Variants in FBLN7 observed in about 807,000 individuals in gnomAD.
FBLN7 encodes fibulin 7.
A neutral mutation model predicts 44.0 loss-of-function variants in FBLN7; 31 were observed. That is an observed-to-expected ratio of 0.70 (90% CI 0.53 to 0.95). The LOEUF (loss-of-function observed/expected upper bound fraction) is 0.95. FBLN7 is among the 40% of genes least tolerant of loss of function. The pLI, the probability that FBLN7 is intolerant of heterozygous loss-of-function variation, is 0.00. For synonymous variants in FBLN7, 262 were observed against 253.4 expected (o/e 1.03, Z -0.32); for missense variants, 573 against 618.5 (o/e 0.93, Z 0.78).
At chr2:112,195,735 C>A in the FBLN7 span, among the ~76,000 whole-genome samples, 4 of 152,240 alleles carry the variant, frequency 2.6e-5, no homozygotes, top group Non-Finnish European at 4.4e-5. Context: ...AGCATCCCTA[C>A]AGACCTGACC....
the FBLN7 span, among the ~76,000 whole-genome samples, chr2:112,204,768 T>A: frequency 6.6e-6 from 1 of 152,180 alleles, no homozygotes; most frequent in Non-Finnish European, 1.5e-5. Context: ...AGAAAATGTA[T>A]TGTTAGCACA....
At chr2:112,221,988 C>T in the FBLN7 span, among the ~76,000 whole-genome samples, 3 of 152,088 alleles carry the variant, frequency 2.0e-5, no homozygotes, top group East Asian at 5.8e-4. Context: ...TCATTTATAT[C>T]GGCTGATGTT....
chr2:112,207,912 T>G, the FBLN7 span, among the ~76,000 whole-genome samples: 1 of 152,216 alleles, frequency 6.6e-6, no homozygotes, highest in East Asian at 1.9e-4. Flanking sequence ...AGACAGCATA[T>G]AGTTGGGTCA....
chr2:112,200,797 C>G, the FBLN7 span, among the ~76,000 whole-genome samples: 4 of 152,154 alleles, frequency 2.6e-5, no homozygotes, highest in African/African-American at 9.7e-5. Context: ...TCCCAAAGTA[C>G]TGGGATTACA....
At chr2:112,196,029 AC>A in the FBLN7 span, among the ~76,000 whole-genome samples, 58 of 151,836 alleles carry the variant, frequency 3.8e-4, no homozygotes, top group Non-Finnish European at 6.9e-4. Context: ...AGATGCTGGG[AC>A]CCCCAGAGTT....
the FBLN7 span, among the ~76,000 whole-genome samples, chr2:112,239,223 CTT>C: frequency 6.6e-6 from 1 of 152,178 alleles, no homozygotes; most frequent in Admixed American, 6.5e-5. Flanking sequence ...ACAGCAATGA[CTT>C]AAAGCAATTT....
the FBLN7 span, chr2:112,230,959 A>T: frequency 8.1e-7 from 1 of 1,235,408 alleles, no homozygotes; most frequent in Non-Finnish European, 1.1e-6. Context: ...ACCTAATATA[A>T]AAAAAAAATC....
the FBLN7 span, among the ~76,000 whole-genome samples, chr2:112,200,141 A>C: frequency 6.6e-6 from 1 of 152,228 alleles, no homozygotes; most frequent in Admixed American, 6.5e-5. Context: ...TCTTTGACTG[A>C]GAGACATCAA....
the FBLN7 span, chr2:112,236,543 G>T: frequency 1.2e-6 from 2 of 1,609,228 alleles, no homozygotes; most frequent in Non-Finnish European, 1.7e-6. Flanking sequence ...GGTATTCCTA[G>T]AAGCATATAT....
the FBLN7 span, among the ~76,000 whole-genome samples, chr2:112,225,852 C>T: frequency 6.6e-6 from 1 of 152,048 alleles, no homozygotes; most frequent in East Asian, 1.9e-4. Flanking sequence ...GAGGCCAAGG[C>T]AAGTGGATCA....
the FBLN7 span, chr2:112,234,053 TAA>T: frequency 1.1e-6 from 1 of 945,924 alleles, no homozygotes. Flanking sequence ...AGGTATGAAT[TAA>T]AAGAGTATCA....
the FBLN7 span, among the ~76,000 whole-genome samples, chr2:112,237,479 A>T: frequency 1.3e-5 from 2 of 152,216 alleles, no homozygotes; most frequent in Non-Finnish European, 1.5e-5. Context: ...CTGCAATGGC[A>T]TAATCATAGT....
chr2:112,172,408 TA>T (rs1682509366), intron 3 of FBLN7, among the ~76,000 whole-genome samples: 1 of 152,200 alleles, frequency 6.6e-6, no homozygotes, highest in Admixed American at 6.5e-5. Flanking sequence ...CCATTGGATA[TA>T]AAACACCTAT....
intron 2 of FBLN7, 123 bp downstream of exon 2, chr2:112,159,958 A>C: frequency 1.5e-6 from 1 of 664,132 alleles, no homozygotes; most frequent in South Asian, 7.5e-5. Flanking sequence ...CCATCTTCCA[A>C]CTGTGGCCCC....
chr2:112,185,100 G>A (rs1348166995), intron 6 of FBLN7, 101 bp from the exon 7 acceptor site: 5 of 1,460,176 alleles, frequency 3.4e-6, no homozygotes, highest in Non-Finnish European at 4.6e-6. Context: ...CAGGAGCAGG[G>A]AGCACCACAT....
intron 2 of FBLN7, among the ~76,000 whole-genome samples, chr2:112,160,804 G>A (rs949074756): frequency 6.7e-5 from 9 of 135,266 alleles, no homozygotes; most frequent in Admixed American, 1.5e-4. Flanking sequence ...ACACACGCAC[G>A]CACACACACG....
At chr2:112,175,302 G>A (rs536352132) in intron 3 of FBLN7, among the ~76,000 whole-genome samples, 2 of 152,376 alleles carry the variant, frequency 1.3e-5, no homozygotes, top group African/African-American at 4.8e-5. Context: ...TGGAGCAGAA[G>A]GGTTGTGGGT....
chr2:112,197,234 A>AACACACAC, the FBLN7 span, among the ~76,000 whole-genome samples: 3,779 of 89,134 alleles, frequency 0.042, 172 homozygotes, highest in African/African-American at 0.079. Context: ...CGTAAGAGAA[A>AACACACAC]ACACACACAC....
At chr2:112,156,987 C>T (rs1681464027) in intron 1 of FBLN7, among the ~76,000 whole-genome samples, 1 of 152,162 alleles carries the variant, frequency 6.6e-6, no homozygotes, top group Non-Finnish European at 1.5e-5. Context: ...GGCCACACAC[C>T]TCCCTGCCAC....
Sources: gnomAD v4.1 joint callset for allele counts (sites outside exome capture counted in the v4.1 genomes callset) on GRCh38, gnomAD v4.1.1 for gene constraint, MANE v1.5 for transcripts, NCBI Gene and HGNC (gene_info 2026-07-23, HGNC 2026-07-21) for gene names.